Variants in CNTN5 observed in about 807,000 individuals in gnomAD.
CNTN5 encodes the protein contactin 5, also known as contactin-5.
In CNTN5, 77 loss-of-function variants were observed where a neutral mutation model predicts 129.1. The ratio of observed to expected loss-of-function variants is 0.60; its 90% CI spans 0.50 to 0.72. CNTN5 has a LOEUF of 0.72. Among genes scored for constraint, CNTN5 ranks in the 30% least tolerant of loss-of-function variants. CNTN5 has a pLI of 0.00. For synonymous variants in CNTN5, 509 were observed against 465.6 expected (o/e 1.09, Z -1.20); for missense variants, 1,478 against 1,328.8 (o/e 1.11, Z -1.75).
chr11:100,061,115 T>C (rs1379132753), intron 9 of CNTN5, 97 bp from the exon 10 acceptor site: 2 of 896,554 alleles, frequency 2.2e-6, no homozygotes. Flanking sequence ...TACATTTTAT[T>C]GCACTCAGCC....
intron 6 of CNTN5, among the ~76,000 whole-genome samples, chr11:99,911,831 A>G (rs1004319030): frequency 6.6e-6 from 1 of 151,746 alleles, no homozygotes; most frequent in Non-Finnish European, 1.5e-5. Flanking sequence ...AAGTCTATGA[A>G]GTCTTTCAGG....
intron 16 of CNTN5, among the ~76,000 whole-genome samples, chr11:100,252,516 A>G (rs924615687): frequency 3.9e-5 from 6 of 151,950 alleles, no homozygotes; most frequent in Admixed American, 3.3e-4. Flanking sequence ...CACTTCCTCT[A>G]TATTTTTTTC....
At chr11:100,289,029 G>T (rs187806895) in intron 18 of CNTN5, among the ~76,000 whole-genome samples, 1 of 151,970 alleles carries the variant, frequency 6.6e-6, no homozygotes, top group East Asian at 1.9e-4. Context: ...TAAATTCCTC[G>T]AAACATACAC....
chr11:99,450,802 CAT>C (rs1944274356), intron 2 of CNTN5, among the ~76,000 whole-genome samples: 2 of 127,378 alleles, frequency 1.6e-5, no homozygotes, highest in South Asian at 2.7e-4. Flanking sequence ...CTCTTCTGCA[CAT>C]GTCTGAAAGG....
chr11:100,225,668 C>A (rs1241337395), intron 16 of CNTN5, among the ~76,000 whole-genome samples: 1 of 152,066 alleles, frequency 6.6e-6, no homozygotes, highest in Admixed American at 6.6e-5. Context: ...CAGAACATTA[C>A]CAAGATCCCA....
chr11:100,227,566 G>A lies in CNTN5; in HGVS notation c.2005+2754G>A, dbSNP rs10160504. Reference sequence around the variant, plus strand: ...CCTTTCTCCAAAGATTGCTTTTTTCGTAAATAATTACCTGAAGCATAAAGT... The same window carrying A: ...CCTTTCTCCAAAGATTGCTTTTTTCATAAATAATTACCTGAAGCATAAAGT... On this transcript the variant is annotated intron_variant, in intron 16 of 24. Coordinates refer to ENST00000524871, the MANE Select transcript of CNTN5 (RefSeq NM_014361.4). Among the ~76,000 whole-genome samples, 789 of 151,990 alleles carry A rather than the reference G, an allele frequency of 5.2e-3. 7 individuals carry two copies. The highest frequency in any genetic ancestry group is 0.018 in the African/African-American group (740 of 41,448).
intron 6 of CNTN5, among the ~76,000 whole-genome samples, chr11:99,899,051 T>C (rs559282274): frequency 6.6e-6 from 1 of 152,144 alleles, no homozygotes; most frequent in African/African-American, 2.4e-5. Context: ...ATGGAAGTGC[T>C]ACTGACTTTT....
intron 2 of CNTN5, among the ~76,000 whole-genome samples, chr11:99,515,595 G>A (rs1947015832): frequency 6.6e-6 from 1 of 151,922 alleles, no homozygotes; most frequent in Non-Finnish European, 1.5e-5. Context: ...AAAGTTCAAA[G>A]TAGGAACATA....
chr11:99,307,660 A>C (rs1417374712), intron 1 of CNTN5, among the ~76,000 whole-genome samples: 1 of 152,120 alleles, frequency 6.6e-6, no homozygotes, highest in East Asian at 1.9e-4. Context: ...AGAGGTCTTG[A>C]CAAGCTATAT....
intron 1 of CNTN5, among the ~76,000 whole-genome samples, chr11:99,198,412 C>T (rs145173823): frequency 2.6e-5 from 4 of 152,038 alleles, no homozygotes; most frequent in East Asian, 1.9e-4. Flanking sequence ...AAACTAAGAG[C>T]GTTGTTGCAG....
intron 3 of CNTN5, among the ~76,000 whole-genome samples, chr11:99,590,532 G>T (rs1949945955): frequency 2.0e-5 from 3 of 152,184 alleles, no homozygotes; most frequent in East Asian, 3.9e-4. Flanking sequence ...AGAAATATCT[G>T]TTATACAAAG....
chr11:99,466,312 A>C (rs1237582053), intron 2 of CNTN5, among the ~76,000 whole-genome samples: 1 of 152,178 alleles, frequency 6.6e-6, no homozygotes, highest in Non-Finnish European at 1.5e-5. Context: ...TGGGTATTAC[A>C]ATTCGACATG....
chr11:99,787,032 C>T (rs959858041), intron 3 of CNTN5, among the ~76,000 whole-genome samples: 12 of 151,624 alleles, frequency 7.9e-5, no homozygotes, highest in Non-Finnish European at 1.2e-4. Flanking sequence ...CAAGTATGTT[C>T]GGATATGAAT....
Position 99,426,963 on chromosome 11 carries a change from G to A in CNTN5, c.-71+101479G>A, listed in dbSNP as rs74572431. ...AATAATCTTGTATTTTTAAATCTCA[G>A]TTTTACTAAGCAAATCAGAAACTTA... On this transcript the variant is annotated intron_variant, in intron 2 of 24. Transcript: ENST00000524871. 9.9e-5 allele frequency among the ~76,000 whole-genome samples: 15 copies of A among 152,234 alleles called. No homozygotes were observed. The East Asian group carries it at 2.9e-3, about 29-fold the overall frequency.
chr11:99,799,168 A>G (rs1323339000), intron 3 of CNTN5, among the ~76,000 whole-genome samples: 2 of 151,972 alleles, frequency 1.3e-5, no homozygotes, highest in Non-Finnish European at 1.5e-5. Flanking sequence ...TGGGGTTTCT[A>G]TGTATAGAAT....
At chr11:99,863,808 C>G (rs1161199843) in intron 6 of CNTN5, among the ~76,000 whole-genome samples, 1 of 152,088 alleles carries the variant, frequency 6.6e-6, no homozygotes, top group Non-Finnish European at 1.5e-5. Context: ...AGAAAGCAAG[C>G]TTTAATTGCA....
chr11:99,986,291 C>G (rs1938672008), intron 8 of CNTN5, among the ~76,000 whole-genome samples: 1 of 152,090 alleles, frequency 6.6e-6, no homozygotes, highest in Non-Finnish European at 1.5e-5. Context: ...CAGCCTATGC[C>G]CCATTCATTT....
intron 2 of CNTN5, among the ~76,000 whole-genome samples, chr11:99,490,476 C>T (rs1350800001): frequency 6.6e-6 from 1 of 152,208 alleles, no homozygotes; most frequent in Non-Finnish European, 1.5e-5. Context: ...GTGTACTCTT[C>T]TTACTTTGTA....
chr11:100,071,967 T>C, intron 12 of CNTN5, 133 bp downstream of exon 12: 1 of 834,404 alleles, frequency 1.2e-6, no homozygotes. Context: ...ATACTATGTC[T>C]TGCTGATTTT....
Sources: allele counts gnomAD v4.1 joint callset (sites outside exome capture counted in the v4.1 genomes callset), GRCh38; gene constraint gnomAD v4.1.1; transcripts MANE v1.5; gene names NCBI Gene and HGNC (gene_info 2026-07-23, HGNC 2026-07-21).